Variants in SYT14 observed in about 807,000 individuals in gnomAD.
SYT14 encodes synaptotagmin 14, also known as synaptotagmin-14.
In SYT14, 32 loss-of-function variants were observed where a neutral mutation model predicts 74.2. The observed-to-expected ratio is 0.43, with a 90% CI of 0.33 to 0.58. SYT14 has a LOEUF of 0.58. Ranked by LOEUF, SYT14 falls within the 20% of genes least tolerant of loss-of-function variation. The pLI is 0.05. For missense variants in SYT14, 791 were observed against 981.8 expected, an observed-to-expected ratio of 0.81 and a Z score of 2.60; for synonymous variants, 298 against 337.7, an observed-to-expected ratio of 0.88 and a Z score of 1.29.
At chr1:210,163,608 A>T (rs1008550290) in exon 10 of SYT14, 47 of 453,404 alleles carry the variant, frequency 1.0e-4, no homozygotes, top group Non-Finnish European at 1.6e-4. Flanking sequence ...TTTACTAGAT[A>T]TTATATTTGG....
chr1:210,001,053 A>T (rs982413764), intron 2 of SYT14, among the ~76,000 whole-genome samples: 1 of 152,206 alleles, frequency 6.6e-6, no homozygotes, highest in Non-Finnish European at 1.5e-5. Context: ...CATGGAGGCT[A>T]GAATTGAATG....
intron 5 of SYT14, among the ~76,000 whole-genome samples, chr1:210,033,246 T>G (rs2080582007): frequency 6.6e-6 from 1 of 151,878 alleles, no homozygotes; most frequent in Non-Finnish European, 1.5e-5. Context: ...GTTAAAGATA[T>G]AAGTATATAA....
chr1:209,968,885 T>C (rs1326790890), intron 2 of SYT14, among the ~76,000 whole-genome samples: 1 of 152,120 alleles, frequency 6.6e-6, no homozygotes, highest in Non-Finnish European at 1.5e-5. Context: ...TTTTCAACCA[T>C]TGCCTCCCTT....
At chr1:209,979,018 A>G (rs998428882) in intron 2 of SYT14, among the ~76,000 whole-genome samples, 6 of 152,176 alleles carry the variant, frequency 3.9e-5, no homozygotes, top group South Asian at 2.1e-4. Context: ...CGCGGGATAT[A>G]ATCTCCTGGT....
At chr1:210,016,919 C>T in exon 4 of SYT14, 8 of 1,231,496 alleles carry the variant, frequency 6.5e-6, no homozygotes, top group Non-Finnish European at 8.1e-6. Context: ...AGACATACAT[C>T]CAGCACCATC....
At chr1:210,015,347 G>A (rs867389919) in intron 3 of SYT14, among the ~76,000 whole-genome samples, 8 of 152,238 alleles carry the variant, frequency 5.3e-5, no homozygotes, top group Middle Eastern at 3.4e-3. Context: ...CCTTGAAAAT[G>A]TCTCAGGGAA....
exon 10 of SYT14, chr1:210,162,806 A>C (rs1427560445): frequency 2.2e-6 from 1 of 451,334 alleles, no homozygotes; most frequent in Non-Finnish European, 4.4e-6. Context: ...GCATTCATAC[A>C]CATGAATTAT....
intron 4 of SYT14, chr1:210,017,195 A>G: frequency 3.7e-6 from 3 of 820,478 alleles, no homozygotes; most frequent in Non-Finnish European, 4.9e-6. Context: ...TTTCCTGTTC[A>G]TGTGTCTATA....
intron 7 of SYT14, among the ~76,000 whole-genome samples, chr1:210,127,903 T>C (rs919120529): frequency 6.6e-6 from 1 of 152,238 alleles, no homozygotes; most frequent in East Asian, 1.9e-4. Flanking sequence ...GGCGGGCGCC[T>C]GTAGTCCCAG....
At chr1:209,943,508 C>CA (rs58806792) in intron 1 of SYT14, among the ~76,000 whole-genome samples, 668 of 59,328 alleles carry the variant, frequency 0.011, 69 homozygotes, top group African/African-American at 0.026. Flanking sequence ...GATTCAATCT[C>CA]AAAAAAAAAA....
intron 1 of SYT14, among the ~76,000 whole-genome samples, chr1:209,943,471 T>A (rs1163027633): frequency 8.6e-6 from 1 of 115,876 alleles, no homozygotes. Flanking sequence ...ATCGTGCCAC[T>A]GCACTTCAGC....
intron 7 of SYT14, among the ~76,000 whole-genome samples, chr1:210,133,389 C>T (rs1224493940): frequency 3.3e-5 from 5 of 152,182 alleles, no homozygotes; most frequent in Non-Finnish European, 7.3e-5. Context: ...GAGAAGTCCT[C>T]AGATTCTTAT....
chr1:210,127,664 CTAAAATGAA>C (rs1419287098), intron 7 of SYT14, among the ~76,000 whole-genome samples: 2 of 152,080 alleles, frequency 1.3e-5, no homozygotes, highest in African/African-American at 4.8e-5. Flanking sequence ...ATGAATGTAC[CTAAAATGAA>C]TAATTTCTCC....
intron 7 of SYT14, among the ~76,000 whole-genome samples, chr1:210,121,003 G>A (rs749120299): frequency 1.3e-5 from 2 of 152,046 alleles, no homozygotes; most frequent in Non-Finnish European, 2.9e-5. Flanking sequence ...TGCATTTGAG[G>A]GTTGGTATAA....
chr1:209,938,415 T>C, intron 1 of SYT14, 138 bp downstream of exon 1: 1 of 762,746 alleles, frequency 1.3e-6, no homozygotes, highest in Non-Finnish European at 1.9e-6. Flanking sequence ...GCGGGGGTCC[T>C]GGCCGCGTCT....
chr1:210,101,592 G>T (rs1243360078), intron 7 of SYT14, among the ~76,000 whole-genome samples: 1 of 150,190 alleles, frequency 6.7e-6, no homozygotes, highest in East Asian at 2.0e-4. Flanking sequence ...TTGATAACTT[G>T]TTATCCTTTT....
intron 5 of SYT14, among the ~76,000 whole-genome samples, chr1:210,027,701 C>T (rs1460197949): frequency 6.6e-6 from 1 of 152,060 alleles, no homozygotes; most frequent in African/African-American, 2.4e-5. Context: ...AACATCTCTC[C>T]TCTAAGGAAT....
intron 9 of SYT14, among the ~76,000 whole-genome samples, chr1:210,159,961 A>G (rs2083340907): frequency 2.0e-5 from 3 of 152,176 alleles, no homozygotes; most frequent in Admixed American, 2.0e-4. Flanking sequence ...TTTGTAATTC[A>G]TAAAAATAGT....
At chr1:210,087,486 GCT>G (rs2081760294) in intron 5 of SYT14, among the ~76,000 whole-genome samples, 1 of 152,076 alleles carries the variant, frequency 6.6e-6, no homozygotes, top group South Asian at 2.1e-4. Context: ...TCTTGTTTGG[GCT>G]CTGTTGCCCC....
Sources: gnomAD v4.1 joint callset for allele counts (sites outside exome capture counted in the v4.1 genomes callset) on GRCh38, gnomAD v4.1.1 for gene constraint, MANE v1.5 for transcripts, NCBI Gene and HGNC (gene_info 2026-07-23, HGNC 2026-07-21) for gene names.